AHCTF1: variants seen among roughly 807,000 people sequenced by gnomAD.
AHCTF1 encodes the protein AT-hook containing transcription factor 1.
In AHCTF1, 24 loss-of-function variants were observed where a neutral mutation model predicts 248.4. The observed-to-expected ratio is 0.10, with a 90% CI of 0.07 to 0.14. AHCTF1 has a LOEUF of 0.14. AHCTF1 is among the 10% of genes least tolerant of loss of function. AHCTF1 has a pLI of 1.00. For missense variants in AHCTF1, 2,206 were observed against 2,636.2 expected (o/e 0.84, Z 3.57); for synonymous variants, 786 against 929.8 (o/e 0.85, Z 2.81).
At position 246,895,877 on chromosome 1, in the gene AHCTF1, G is replaced by A; in HGVS notation, c.1672C>T (p.Leu558=). 4 of 1,613,214 alleles carry A rather than the reference G, an allele frequency of 2.5e-6. No homozygotes were observed. The highest frequency in any genetic ancestry group is 2.5e-6 in the Non-Finnish European group (3 of 1,179,490). ...ILSAAIQTSS[L]GLLTGYIRRW... ...CGGATATAACCAGTCAAAAGTCCCA[G>A]GGAACTAGTCTGAATTGCTGCTGAC... Residue 558 remains leucine, a synonymous_variant, in exon 13 of 36, where the codon CTG becomes TTG. Transcript: ENST00000648844.
rs754285823 is a variant in AHCTF1, at chr1:246,931,478, C to CCCG, written c.-8+97_-8+99dup. ...GGCCCGGCGCTCGCGGGGCAGAAGCCCCGCCGCCGCCGCCGCCGCCGCCGC... is the reference window on the plus strand; with the variant it reads ...GGCCCGGCGCTCGCGGGGCAGAAGCCCCGCCGCCGCCGCCGCCGCCGCCGCCGC... On this transcript the variant is annotated intron_variant, in intron 1 of 35. Coordinates refer to ENST00000648844, the MANE Select transcript of AHCTF1 (RefSeq NM_001323342.2). The CCCG allele has an allele frequency of 4.8e-3, 2,586 of 533,306 alleles. 9 individuals are homozygous for CCCG. The highest frequency in any genetic ancestry group is 7.9e-3 in the Admixed American group (126 of 15,942). 33.0% of individuals were successfully genotyped at this position (533,306 alleles called of 1,614,324 possible).
intron 29 of AHCTF1, 125 bp downstream of exon 29, chr1:246,860,774 G>C: frequency 7.7e-7 from 1 of 1,303,638 alleles, no homozygotes; most frequent in Non-Finnish European, 1.0e-6. Flanking sequence ...CCAAAGTGCT[G>C]AGATTAACTA....
At chr1:246,908,841 T>A (rs1464017272) in intron 4 of AHCTF1, among the ~76,000 whole-genome samples, 1 of 149,210 alleles carries the variant, frequency 6.7e-6, no homozygotes, top group Non-Finnish European at 1.5e-5. Context: ...GAGCTTGCCG[T>A]GAGCCAAGAT....
chr1:246,857,564 A>G (rs968592292), intron 30 of AHCTF1, 127 bp downstream of exon 30: 6 of 1,030,054 alleles, frequency 5.8e-6, no homozygotes, highest in Admixed American at 3.2e-5. Context: ...TAAAACAGCC[A>G]ACATTACCAA....
At chr1:246,925,924 G>A (rs187847727) in intron 1 of AHCTF1, among the ~76,000 whole-genome samples, 1 of 152,184 alleles carries the variant, frequency 6.6e-6, no homozygotes, top group Non-Finnish European at 1.5e-5. Context: ...AATTAGCCAG[G>A]TGTGGTGGCG....
At position 246,905,471 on chromosome 1, in the gene AHCTF1, T is replaced by C; in HGVS notation, c.881+70A>G. On this transcript the variant is annotated intron_variant, in intron 6 of 35. Coordinates refer to ENST00000648844, the MANE Select transcript of AHCTF1 (RefSeq NM_001323342.2). ...GAAATCACGCCACTGCACTCCAGCC[T>C]GGACAACAGAGCGAGACTCTGTCTC... 2.3e-6 allele frequency: 3 copies of C among 1,296,676 alleles called. No individual in the cohort carries two copies. In the South Asian group the frequency reaches 3.6e-5, roughly 16 times the overall value. The allele number at this position is 1,296,676 out of a possible 1,614,324, so 80.3% of individuals were successfully genotyped here.
At chr1:246,867,620 T>C (rs1662079193) in intron 25 of AHCTF1, 41 bp downstream of exon 25, 3 of 1,600,626 alleles carry the variant, frequency 1.9e-6, no homozygotes, top group East Asian at 2.2e-5. Flanking sequence ...CCAGTAAAGA[T>C]TAACAAGCAG....
chr1:246,893,099 CAA>C (rs1664332362), intron 14 of AHCTF1, among the ~76,000 whole-genome samples: 1 of 152,194 alleles, frequency 6.6e-6, no homozygotes, highest in Non-Finnish European at 1.5e-5. Context: ...ACATTATTCT[CAA>C]AGAATAACAA....
In AHCTF1 at chr1:246,885,591, G is replaced by A. The variant is rs774529895; in HGVS notation, c.2562C>T (p.Gly854=). 24 of 1,612,264 alleles carry A rather than the reference G, an allele frequency of 1.5e-5. No individual in the cohort carries two copies. The highest frequency in any genetic ancestry group is 5.3e-5 in the African/African-American group (4 of 74,804). Residue 854 remains glycine (G), a synonymous_variant, in exon 21 of 36, where the codon GGC becomes GGT. Coordinates refer to ENST00000648844, the MANE Select transcript of AHCTF1 (RefSeq NM_001323342.2). ...TATATCTGAGGGCTTGTCTGTGCTC[G>A]CCCTGACTCATGAATGCCTGAATAA... ...SKIIQAFMSQ[G]EHRQALRYIQ...
intron 5 of AHCTF1, among the ~76,000 whole-genome samples, chr1:246,906,175 T>C (rs1463861651): frequency 1.3e-5 from 2 of 152,110 alleles, no homozygotes; most frequent in African/African-American, 4.8e-5. Context: ...AGAGTTCCCA[T>C]AAACTGCTAA....
chr1:246,895,483 G>C (rs982867933), intron 13 of AHCTF1, among the ~76,000 whole-genome samples: 1 of 152,140 alleles, frequency 6.6e-6, no homozygotes, highest in Non-Finnish European at 1.5e-5. Flanking sequence ...AGAGAATTTT[G>C]CTGAGTAAAA....
intron 21 of AHCTF1, among the ~76,000 whole-genome samples, chr1:246,881,978 C>A (rs1313293870): frequency 1.3e-5 from 2 of 150,324 alleles, no homozygotes; most frequent in African/African-American, 4.9e-5. Flanking sequence ...CCGTGCCTGG[C>A]CTTTATTATT....
chr1:246,930,746 G>A (rs752272755), intron 1 of AHCTF1, among the ~76,000 whole-genome samples: 16 of 151,990 alleles, frequency 1.1e-4, no homozygotes, highest in Admixed American at 2.0e-4. Flanking sequence ...GGTTCTTTAG[G>A]ATATTCTGAG....
In AHCTF1 at chr1:246,916,404, A is replaced by C; in HGVS notation, c.122-9T>G. Reference sequence around the variant, plus strand: ...AGCAAGTCCATTTTTCCCTAGAAGAAAAAAAAATTGCCTATTTTAATATTG... The same window carrying C: ...AGCAAGTCCATTTTTCCCTAGAAGACAAAAAAATTGCCTATTTTAATATTG... On this transcript the variant is annotated splice_polypyrimidine_tract_variant and intron_variant, in intron 2 of 35. Coordinates refer to ENST00000648844, the MANE Select transcript of AHCTF1 (RefSeq NM_001323342.2). 1 of 1,599,934 alleles carries C rather than the reference A, an allele frequency of 6.3e-7. No homozygotes were observed.
intron 21 of AHCTF1, among the ~76,000 whole-genome samples, chr1:246,878,396 C>CAAAAAAAAAAAAAAAAAAAA (rs1199465751): frequency 3.2e-5 from 1 of 30,784 alleles, no homozygotes; most frequent in Non-Finnish European, 5.8e-5. Context: ...GATTCTGTCT[C>CAAAAAAAAAAAAAAAAAAAA]AAAAAAAAAA....
chr1:246,909,995 T>G (rs1192163116), intron 4 of AHCTF1, among the ~76,000 whole-genome samples: 1 of 152,208 alleles, frequency 6.6e-6, no homozygotes, highest in Non-Finnish European at 1.5e-5. Flanking sequence ...AAAGGAAGGA[T>G]CATGCTGTCA....
intron 19 of AHCTF1, among the ~76,000 whole-genome samples, chr1:246,887,773 TCA>T (rs1374985931): frequency 1.3e-5 from 2 of 152,178 alleles, no homozygotes; most frequent in African/African-American, 4.8e-5. Context: ...AAAAATATTA[TCA>T]CAAAGACTAT....
intron 10 of AHCTF1, 89 bp from the exon 11 acceptor site, chr1:246,899,601 C>T (rs531284858): frequency 5.7e-5 from 51 of 896,858 alleles, no homozygotes; most frequent in Middle Eastern, 4.7e-4. Context: ...GACTGCAAGG[C>T]AAGGTGTCAA....
At position 246,855,712 on chromosome 1, in the gene AHCTF1, CAA is replaced by C. The variant is rs533151748; in HGVS notation, c.4354+16_4354+17del. ...CACAAAAATGGAATAATCCTGAAGT[CAA>C]AATTATTATACATACATTTATTGTC... On this transcript the variant is annotated intron_variant, in intron 31 of 35. Transcript: ENST00000648844. 253 of 1,580,966 alleles carry C rather than the reference CAA, an allele frequency of 1.6e-4. 2 individuals are homozygous for C. The South Asian group carries it at 2.6e-3, about 16-fold the overall frequency.
Sources: gnomAD v4.1 joint callset for allele counts (sites outside exome capture counted in the v4.1 genomes callset) on GRCh38, gnomAD v4.1.1 for gene constraint, MANE v1.5 for transcripts, NCBI Gene and HGNC (gene_info 2026-07-23, HGNC 2026-07-21) for gene names.